The following FSHR variants were observed in gnomAD, a reference collection of about 807,000 sequenced individuals.
FSHR encodes the protein follicle stimulating hormone receptor, also known as follicle-stimulating hormone receptor.
A neutral mutation model predicts 52.1 loss-of-function variants in FSHR; 46 were observed. The observed-to-expected ratio is 0.88, with a 90% CI of 0.70 to 1.13. The LOEUF is 1.13. Among genes scored for constraint, FSHR ranks in the 50% most tolerant of loss-of-function variants. FSHR has a pLI of 0.00. For missense variants in FSHR, 964 were observed against 834.6 expected, an observed-to-expected ratio of 1.16 and a Z score of -1.91; for synonymous variants, 399 against 309.6, an observed-to-expected ratio of 1.29 and a Z score of -3.03.
intron 4 of FSHR, among the ~76,000 whole-genome samples, chr2:49,007,635 T>G (rs1384511162): frequency 6.6e-6 from 1 of 152,122 alleles, no homozygotes; most frequent in Non-Finnish European, 1.5e-5. Flanking sequence ...ACATGAATGA[T>G]GTATTTCCAT....
At chr2:48,991,742 T>A (rs1675791936) in intron 4 of FSHR, among the ~76,000 whole-genome samples, 1 of 152,214 alleles carries the variant, frequency 6.6e-6, no homozygotes, top group Admixed American at 6.5e-5. Flanking sequence ...TTGGACGCAT[T>A]GTTCTTTGTC....
intron 1 of FSHR, among the ~76,000 whole-genome samples, chr2:49,128,664 A>C (rs1672150788): frequency 1.4e-5 from 2 of 145,224 alleles, no homozygotes; most frequent in Admixed American, 1.5e-4. Flanking sequence ...TTGTCCAGGA[A>C]GGTGTTGAAT....
intron 2 of FSHR, among the ~76,000 whole-genome samples, chr2:49,039,584 C>G (rs893362278): frequency 9.2e-5 from 14 of 152,162 alleles, no homozygotes; most frequent in Non-Finnish European, 1.6e-4. Flanking sequence ...TTGGCTTAGA[C>G]TAGAGGTGAC....
intron 1 of FSHR, among the ~76,000 whole-genome samples, chr2:49,105,718 C>G (rs1202483801): frequency 6.6e-6 from 1 of 152,104 alleles, no homozygotes; most frequent in African/African-American, 2.4e-5. Context: ...GTGAGCCGTG[C>G]TCTACTGCCA....
At chr2:49,129,426 T>C (rs1672181714) in intron 1 of FSHR, among the ~76,000 whole-genome samples, 1 of 152,198 alleles carries the variant, frequency 6.6e-6, no homozygotes, top group African/African-American at 2.4e-5. Flanking sequence ...GAATAGTCAA[T>C]AATCAGAATC....
intron 1 of FSHR, among the ~76,000 whole-genome samples, chr2:49,080,480 A>G (rs1233506662): frequency 6.6e-6 from 1 of 152,206 alleles, no homozygotes; most frequent in Admixed American, 6.5e-5. Flanking sequence ...GCACTGTGGT[A>G]TATTTACACA....
At chr2:49,019,340 A>G (rs1667611077) in intron 3 of FSHR, among the ~76,000 whole-genome samples, 1 of 152,206 alleles carries the variant, frequency 6.6e-6, no homozygotes, top group Non-Finnish European at 1.5e-5. Flanking sequence ...CACAGAATAT[A>G]CTTTGAAAAA....
At chr2:49,004,131 C>G (rs1463050575) in intron 4 of FSHR, among the ~76,000 whole-genome samples, 1 of 152,180 alleles carries the variant, frequency 6.6e-6, no homozygotes, top group Non-Finnish European at 1.5e-5. Flanking sequence ...AGGATTTCTC[C>G]TTCCCAGGCC....
At chr2:49,127,900 T>TCTTCTTCTTCTTCTTC (rs1483408974) in intron 1 of FSHR, among the ~76,000 whole-genome samples, 5 of 113,464 alleles carry the variant, frequency 4.4e-5, no homozygotes, top group African/African-American at 9.1e-5. Context: ...TTCTTCTTCT[T>TCTTCTTCTTCTTCTTC]TTTTTTTTTT....
At chr2:49,130,078 T>G (rs1194110386) in intron 1 of FSHR, among the ~76,000 whole-genome samples, 1 of 152,230 alleles carries the variant, frequency 6.6e-6, no homozygotes, top group Non-Finnish European at 1.5e-5. Flanking sequence ...CTTGAGATCT[T>G]ACTTCCTGGG....
At chr2:49,153,819 A>G (rs1174140693) in intron 1 of FSHR, among the ~76,000 whole-genome samples, 2 of 152,096 alleles carry the variant, frequency 1.3e-5, no homozygotes, top group Non-Finnish European at 2.9e-5. Flanking sequence ...TGCCTTCAAA[A>G]CGACAAAGAC....
At chr2:49,018,140 T>C (rs1667556318) in intron 3 of FSHR, among the ~76,000 whole-genome samples, 1 of 152,196 alleles carries the variant, frequency 6.6e-6, no homozygotes, top group African/African-American at 2.4e-5. Context: ...CTTTTTGCTT[T>C]TAAGCATGAA....
At chr2:49,017,760 C>T (rs1465765848) in intron 3 of FSHR, among the ~76,000 whole-genome samples, 197 bp from the exon 4 acceptor site, 1 of 152,122 alleles carries the variant, frequency 6.6e-6, no homozygotes, top group Non-Finnish European at 1.5e-5. Flanking sequence ...CTAAGCTGTG[C>T]AAACTAAATA....
intron 1 of FSHR, among the ~76,000 whole-genome samples, chr2:49,100,678 A>G (rs991819495): frequency 2.6e-5 from 4 of 152,224 alleles, no homozygotes; most frequent in Non-Finnish European, 4.4e-5. Context: ...CCCTGATCAG[A>G]TCCTTAAATA....
At chr2:49,085,970 G>C (rs13024619) in intron 1 of FSHR, among the ~76,000 whole-genome samples, 35,100 of 150,252 alleles carry the variant, frequency 0.23, 4,233 homozygotes, top group East Asian at 0.28. Context: ...GTTGTGGGGG[G>C]GGGGAGTGGG....
chr2:48,973,109 A>G (rs1004064719), intron 8 of FSHR, among the ~76,000 whole-genome samples: 1 of 152,230 alleles, frequency 6.6e-6, no homozygotes, highest in East Asian at 1.9e-4. Context: ...GAGCACTGAC[A>G]TCTTCTACAT....
intron 2 of FSHR, among the ~76,000 whole-genome samples, chr2:49,029,048 A>C (rs780310455): frequency 6.6e-6 from 1 of 152,326 alleles, no homozygotes; most frequent in Middle Eastern, 3.4e-3. Flanking sequence ...ATCTGGTGAA[A>C]AGTGGATACA....
intron 2 of FSHR, among the ~76,000 whole-genome samples, chr2:49,051,515 A>G (rs1216092694): frequency 1.3e-5 from 2 of 152,200 alleles, no homozygotes; most frequent in East Asian, 3.9e-4. Flanking sequence ...TATTTTGCCC[A>G]TTTTAAATTA....
chr2:49,087,860 C>A (rs1032855310), intron 1 of FSHR, among the ~76,000 whole-genome samples: 2 of 152,166 alleles, frequency 1.3e-5, no homozygotes, highest in African/African-American at 4.8e-5. Flanking sequence ...AGACACATTT[C>A]CTTCTCTACC....
Sources: gnomAD v4.1 joint callset for allele counts (sites outside exome capture counted in the v4.1 genomes callset) on GRCh38, gnomAD v4.1.1 for gene constraint, MANE v1.5 for transcripts, NCBI Gene and HGNC (gene_info 2026-07-23, HGNC 2026-07-21) for gene names.